ENTREP2: variants seen among roughly 807,000 people sequenced by gnomAD.
ENTREP2 encodes the protein protein ENTREP2.
At chr15:29,322,033 T>C in the ENTREP2 span, among the ~76,000 whole-genome samples, 1 of 151,724 alleles carries the variant, frequency 6.6e-6, no homozygotes, top group Non-Finnish European at 1.5e-5. Context: ...GAAAATGAAA[T>C]AGGTCAGAAA....
chr15:29,571,270 C>T, the ENTREP2 span, among the ~76,000 whole-genome samples: 2 of 152,156 alleles, frequency 1.3e-5, no homozygotes, highest in African/African-American at 4.8e-5. Flanking sequence ...ACGGCATCAG[C>T]CTCCGCGGCG....
chr15:29,200,875 A>G, the ENTREP2 span, among the ~76,000 whole-genome samples: 1 of 152,112 alleles, frequency 6.6e-6, no homozygotes, highest in East Asian at 1.9e-4. Flanking sequence ...CCAAACCCAC[A>G]TATTAACTGG....
At chr15:29,411,394 G>A in the ENTREP2 span, among the ~76,000 whole-genome samples, 1 of 152,030 alleles carries the variant, frequency 6.6e-6, no homozygotes, top group South Asian at 2.1e-4. Flanking sequence ...AATCTAGTAG[G>A]TGTAAACGAT....
the ENTREP2 span, among the ~76,000 whole-genome samples, chr15:29,290,761 C>T: frequency 0.53 from 80,783 of 152,094 alleles, 23,715 homozygotes; most frequent in Non-Finnish European, 0.68. Flanking sequence ...CCTGTGATTT[C>T]CTTTCTCTAG....
the ENTREP2 span, among the ~76,000 whole-genome samples, chr15:29,520,470 T>TTAC: frequency 3.9e-5 from 6 of 152,220 alleles, 1 homozygote; most frequent in Admixed American, 3.9e-4. Flanking sequence ...ATTATCTAGA[T>TTAC]TACTCACTAT....
the ENTREP2 span, among the ~76,000 whole-genome samples, chr15:29,516,682 G>A: frequency 3.3e-5 from 5 of 152,060 alleles, no homozygotes; most frequent in African/African-American, 1.2e-4. Flanking sequence ...AAGCAATTAT[G>A]GTAAAGTGGT....
chr15:29,561,707 T>TAATAAA, the ENTREP2 span, among the ~76,000 whole-genome samples: 1 of 150,314 alleles, frequency 6.7e-6, no homozygotes, highest in Non-Finnish European at 1.5e-5. Flanking sequence ...ATAATAATAA[T>TAATAAA]AATAAAATAA....
chr15:29,516,540 A>G, the ENTREP2 span, among the ~76,000 whole-genome samples: 1 of 152,162 alleles, frequency 6.6e-6, no homozygotes, highest in Non-Finnish European at 1.5e-5. Context: ...AAAAACTTGG[A>G]CAAGAAGAAC....
At chr15:29,194,868 C>T in the ENTREP2 span, among the ~76,000 whole-genome samples, 1 of 152,192 alleles carries the variant, frequency 6.6e-6, no homozygotes, top group Non-Finnish European at 1.5e-5. Flanking sequence ...CCCCAACCAG[C>T]CAACTGAGGA....
chr15:29,369,920 T>C, the ENTREP2 span, among the ~76,000 whole-genome samples: 1 of 152,244 alleles, frequency 6.6e-6, no homozygotes, highest in Non-Finnish European at 1.5e-5. Context: ...TTTTCCCTTT[T>C]TGCCTTTCCC....
the ENTREP2 span, among the ~76,000 whole-genome samples, chr15:29,647,198 T>C: frequency 3.9e-5 from 6 of 152,308 alleles, no homozygotes; most frequent in Admixed American, 3.3e-4. Context: ...AAAAGCTCTG[T>C]TAATGGAGGA....
the ENTREP2 span, among the ~76,000 whole-genome samples, chr15:29,662,503 G>C: frequency 1.3e-5 from 2 of 152,024 alleles, no homozygotes; most frequent in East Asian, 3.9e-4. Context: ...CCTTTGTATG[G>C]TCTTTGTGTC....
chr15:29,488,065 T>C, the ENTREP2 span, among the ~76,000 whole-genome samples: 1 of 152,092 alleles, frequency 6.6e-6, no homozygotes, highest in Non-Finnish European at 1.5e-5. Flanking sequence ...CATAAGAAAT[T>C]AACAAACATT....
the ENTREP2 span, chr15:29,269,822 T>C: frequency 1.0e-6 from 1 of 990,668 alleles, no homozygotes. Flanking sequence ...CGGCTGAGAC[T>C]GCGTGCTGCG....
the ENTREP2 span, among the ~76,000 whole-genome samples, chr15:29,449,047 G>A: frequency 3.3e-5 from 5 of 152,170 alleles, no homozygotes; most frequent in Non-Finnish European, 7.3e-5. Flanking sequence ...TACATGAAAT[G>A]GCTCAAAAGA....
the ENTREP2 span, chr15:29,121,154 T>TGGGGTGCAGGTGAGG: frequency 1.3e-5 from 2 of 152,234 alleles, no homozygotes; most frequent in African/African-American, 4.8e-5. Flanking sequence ...TGGGTGAAGG[T>TGGGGTGCAGGTGAGG]GGGGTGCAGG....
the ENTREP2 span, among the ~76,000 whole-genome samples, chr15:29,306,647 C>T: frequency 2.3e-5 from 3 of 131,174 alleles, no homozygotes; most frequent in South Asian, 2.6e-4. Flanking sequence ...CTAAGATATA[C>T]TGAAAAATAA....
the ENTREP2 span, among the ~76,000 whole-genome samples, chr15:29,202,260 T>C: frequency 2.0e-5 from 3 of 152,178 alleles, no homozygotes; most frequent in Non-Finnish European, 4.4e-5. Flanking sequence ...GTCCATTTCA[T>C]TGATTTCTGC....
chr15:29,157,751 A>G, the ENTREP2 span, among the ~76,000 whole-genome samples: 2 of 142,930 alleles, frequency 1.4e-5, no homozygotes, highest in Non-Finnish European at 3.0e-5. Context: ...TTTTTTTGAG[A>G]TGGAGTCTCG....
Sources: gnomAD v4.1 joint callset for allele counts (sites outside exome capture counted in the v4.1 genomes callset) on GRCh38, gnomAD v4.1.1 for gene constraint, MANE v1.5 for transcripts, NCBI Gene and HGNC (gene_info 2026-07-23, HGNC 2026-07-21) for gene names.